Variants in CMYA5 observed in about 807,000 individuals in gnomAD.
CMYA5 encodes cardiomyopathy-associated protein 5.
In CMYA5, 246 loss-of-function variants were observed where a neutral mutation model predicts 318.9. That is an observed-to-expected ratio of 0.77 (90% CI 0.70 to 0.86). The LOEUF is 0.86. CMYA5 is among the 40% of genes least tolerant of loss of function. The pLI is 0.00. For missense variants in CMYA5, 4,589 were observed against 4,678.2 expected, an observed-to-expected ratio of 0.98 and a Z score of 0.56; for synonymous variants, 1,641 against 1,729.5, an observed-to-expected ratio of 0.95 and a Z score of 1.27.
At chr5:79,696,472 A>G (rs1444407959) in intron 1 of CMYA5, among the ~76,000 whole-genome samples, 1 of 152,210 alleles carries the variant, frequency 6.6e-6, no homozygotes, top group Non-Finnish European at 1.5e-5. Context: ...AAATACTCAG[A>G]GCCCTCTCAG....
chr5:79,745,975 G>A (rs1284405065), intron 4 of CMYA5, among the ~76,000 whole-genome samples: 2 of 152,306 alleles, frequency 1.3e-5, no homozygotes, highest in East Asian at 3.9e-4. Flanking sequence ...TTTACAAGGG[G>A]TTTCTTGGGG....
In CMYA5 at chr5:79,743,857, C is replaced by T; in HGVS notation, c.10669C>T (p.Gln3557Ter). Residue 3557 changes from glutamine to a stop codon, truncating the protein, a stop_gained, in exon 3 of 13, where the codon CAA (glutamine) becomes TAA (stop). Transcript: ENST00000446378. LOFTEE classifies it high-confidence loss of function. ...VQLAEFLENL[Q>*]EKSLRIEAFV... ...ATTAGCAGAATTTCTAGAAAATTTA[C>T]AAGAAAAGTCCTTGAGGATTGAAGC... is the stretch of plus-strand genomic sequence containing the variant. 1 of 1,546,382 alleles carries T rather than the reference C, an allele frequency of 6.5e-7. No individual in the cohort carries two copies. The highest frequency in any genetic ancestry group is 8.8e-7 in the Non-Finnish European group (1 of 1,142,708).
chr5:79,794,502 C>T (rs915127720), intron 12 of CMYA5, among the ~76,000 whole-genome samples: 1 of 152,194 alleles, frequency 6.6e-6, no homozygotes, highest in Non-Finnish European at 1.5e-5. Context: ...GGTCTGGCTC[C>T]ATCCTCAATT....
rs1355245541 is a variant in CMYA5 at position 79,731,958 on chromosome 5, A to T, written c.3193A>T (p.Lys1065Ter). The change falls in exon 2 of 13, where the codon AAA becomes TAA. Residue 1065 changes from lysine (K) to a stop codon, truncating the protein, a stop_gained. Coordinates refer to ENST00000446378, the MANE Select transcript of CMYA5 (RefSeq NM_153610.5). LOFTEE classifies it high-confidence loss of function. The part of the protein sequence containing the change: ...SEQFSSSQKQ[K>*]AETFPLMSPL... ...GCAGTTCAGTTCATCACAGAAGCAA[A>T]AAGCTGAAACTTTCCCTTTGATGTC... is the stretch of plus-strand genomic sequence containing the variant. The T allele has an allele frequency of 6.2e-7, 1 of 1,613,286 alleles. No individual in the cohort carries two copies. Among genetic ancestry groups the T allele is most frequent in the Non-Finnish European group, 8.5e-7 (1 of 1,179,748 alleles).
intron 2 of CMYA5, among the ~76,000 whole-genome samples, chr5:79,742,486 C>A (rs1460124336): frequency 6.6e-6 from 1 of 152,088 alleles, no homozygotes; most frequent in Non-Finnish European, 1.5e-5. Context: ...TGCAGCTGGC[C>A]AGTTGGCAAC....
chr5:79,764,177 G>A (rs1828707530), intron 9 of CMYA5, among the ~76,000 whole-genome samples: 1 of 150,884 alleles, frequency 6.6e-6, no homozygotes, highest in South Asian at 2.1e-4. Flanking sequence ...AAAGGCCCCA[G>A]TGTGTGATGG....
chr5:79,790,889 G>C, intron 10 of CMYA5, 81 bp from the exon 11 acceptor site: 1 of 870,142 alleles, frequency 1.1e-6, no homozygotes, highest in Admixed American at 2.0e-5. Context: ...AAGAGTCTAG[G>C]GTCTGAAATG....
At chr5:79,776,944 A>G (rs1189891873) in intron 9 of CMYA5, among the ~76,000 whole-genome samples, 1 of 152,204 alleles carries the variant, frequency 6.6e-6, no homozygotes, top group Non-Finnish European at 1.5e-5. Flanking sequence ...GGGGTTGGAC[A>G]TGGTGGTACA....
At chr5:79,726,909 A>ATTTTTTTTTTTTTTTTTTTTTT (rs34198193) in intron 1 of CMYA5, among the ~76,000 whole-genome samples, 44 of 96,036 alleles carry the variant, frequency 4.6e-4, no homozygotes, top group East Asian at 2.8e-3. Context: ...TAGGCCAGTG[A>ATTTTTTTTTTTTTTTTTTTTTT]TTTTTTTTTT....
chr5:79,721,858 A>G (rs1376833970), intron 1 of CMYA5, among the ~76,000 whole-genome samples: 1 of 152,232 alleles, frequency 6.6e-6, no homozygotes, highest in Non-Finnish European at 1.5e-5. Context: ...ATAAGGAGAG[A>G]CAAATCCACA....
At chr5:79,702,568 G>T (rs1827193857) in intron 1 of CMYA5, among the ~76,000 whole-genome samples, 1 of 152,166 alleles carries the variant, frequency 6.6e-6, no homozygotes, top group South Asian at 2.1e-4. Flanking sequence ...TAGAGACCCA[G>T]AGTAGATTTG....
intron 1 of CMYA5, among the ~76,000 whole-genome samples, chr5:79,692,262 G>A (rs931437783): frequency 2.6e-5 from 4 of 152,190 alleles, no homozygotes; most frequent in African/African-American, 9.7e-5. Context: ...TTGCTGAAAG[G>A]AGGGGTCCAC....
intron 1 of CMYA5, among the ~76,000 whole-genome samples, chr5:79,713,790 G>A (rs1285572822): frequency 6.6e-6 from 1 of 152,130 alleles, no homozygotes; most frequent in Non-Finnish European, 1.5e-5. Flanking sequence ...TGGAATAAAT[G>A]GAGTTTATGC....
At chr5:79,748,932 A>G (rs1013015747) in intron 5 of CMYA5, among the ~76,000 whole-genome samples, 1 of 152,182 alleles carries the variant, frequency 6.6e-6, no homozygotes, top group Non-Finnish European at 1.5e-5. Context: ...CTTATATTTT[A>G]TCCATTCATG....
chr5:79,757,692 CA>C (rs1412543308), intron 6 of CMYA5, among the ~76,000 whole-genome samples: 1 of 152,132 alleles, frequency 6.6e-6, no homozygotes, highest in Non-Finnish European at 1.5e-5. Flanking sequence ...TATATTGATA[CA>C]GAATGATACA....
At chr5:79,749,460 G>A (rs183687994) in intron 5 of CMYA5, among the ~76,000 whole-genome samples, 185 of 152,136 alleles carry the variant, frequency 1.2e-3, no homozygotes, top group Non-Finnish European at 1.2e-3. Context: ...GACTGTGCAG[G>A]TCCACTGATA....
intron 9 of CMYA5, among the ~76,000 whole-genome samples, chr5:79,784,891 G>T (rs546692209): frequency 1.9e-4 from 29 of 152,084 alleles, no homozygotes; most frequent in Admixed American, 9.2e-4. Context: ...CGTCGCTCAC[G>T]CTGGGAGCTG....
intron 2 of CMYA5, among the ~76,000 whole-genome samples, chr5:79,740,891 C>A (rs1828195937): frequency 6.6e-6 from 1 of 152,122 alleles, no homozygotes; most frequent in South Asian, 2.1e-4. Flanking sequence ...TTTTTAGAGA[C>A]AGAGTCTCCC....
intron 1 of CMYA5, among the ~76,000 whole-genome samples, chr5:79,699,137 G>A (rs1486185560): frequency 2.0e-5 from 3 of 152,052 alleles, no homozygotes; most frequent in African/African-American, 4.8e-5. Flanking sequence ...CAGCCTGGGC[G>A]AGAGAGTGAG....
Sources: gnomAD v4.1 joint callset for allele counts (sites outside exome capture counted in the v4.1 genomes callset) on GRCh38, gnomAD v4.1.1 for gene constraint, MANE v1.5 for transcripts, NCBI Gene and HGNC (gene_info 2026-07-23, HGNC 2026-07-21) for gene names.